MAML2: variants seen among roughly 807,000 people sequenced by gnomAD.
MAML2 encodes mastermind like transcriptional coactivator 2.
Under a neutral mutation model 96.1 loss-of-function variants are expected in MAML2, and 22 were observed. The observed-to-expected ratio is 0.23, with a 90% CI of 0.16 to 0.33. MAML2 has a LOEUF of 0.33. Ranked by LOEUF, MAML2 falls within the 10% of genes least tolerant of loss-of-function variation. MAML2 has a pLI of 1.00. For missense variants in MAML2, 1,367 were observed against 1,392.4 expected (o/e 0.98, Z 0.29); for synonymous variants, 561 against 521.3 (o/e 1.08, Z -1.04).
At chr11:96,144,028 T>A (rs1176550950) in intron 1 of MAML2, among the ~76,000 whole-genome samples, 1 of 152,162 alleles carries the variant, frequency 6.6e-6, no homozygotes, top group East Asian at 1.9e-4. Flanking sequence ...TGGTAGAGAA[T>A]GAAGGAACAG....
intron 1 of MAML2, among the ~76,000 whole-genome samples, chr11:96,124,790 G>T (rs376283284): frequency 8.5e-5 from 13 of 152,316 alleles, no homozygotes; most frequent in African/African-American, 2.9e-4. Flanking sequence ...CCACCGATCA[G>T]GAAAATACTT....
intron 1 of MAML2, among the ~76,000 whole-genome samples, chr11:96,283,632 C>T (rs1019439138): frequency 6.6e-6 from 1 of 152,158 alleles, no homozygotes; most frequent in Non-Finnish European, 1.5e-5. Context: ...AAGAGGAACA[C>T]ATTAAGTCAT....
intron 2 of MAML2, among the ~76,000 whole-genome samples, chr11:96,084,022 T>C (rs72969752): frequency 6.6e-6 from 1 of 152,126 alleles, no homozygotes; most frequent in South Asian, 2.1e-4. Context: ...TCAGAAGTGT[T>C]CCAGGCAGAA....
At chr11:96,066,274 G>C (rs1036911377) in intron 2 of MAML2, among the ~76,000 whole-genome samples, 1 of 152,180 alleles carries the variant, frequency 6.6e-6, no homozygotes, top group Non-Finnish European at 1.5e-5. Context: ...TAGTGTCATC[G>C]TGTTAAATGA....
chr11:96,247,077 A>G (rs777867084), intron 1 of MAML2, among the ~76,000 whole-genome samples: 9 of 152,084 alleles, frequency 5.9e-5, no homozygotes, highest in Non-Finnish European at 1.3e-4. Flanking sequence ...TGTCTGATTC[A>G]TTCTGTTGAC....
At chr11:95,993,423 T>C (rs1317342819) in intron 2 of MAML2, among the ~76,000 whole-genome samples, 1 of 152,012 alleles carries the variant, frequency 6.6e-6, no homozygotes, top group Non-Finnish European at 1.5e-5. Context: ...GAAAATTAGT[T>C]GGGTGTGGTG....
intron 1 of MAML2, among the ~76,000 whole-genome samples, chr11:96,286,383 C>T (rs777494324): frequency 6.6e-6 from 1 of 152,070 alleles, no homozygotes; most frequent in Non-Finnish European, 1.5e-5. Context: ...AGGTTTAATA[C>T]CTAGGTGGTG....
intron 2 of MAML2, among the ~76,000 whole-genome samples, chr11:96,056,016 T>A (rs1482602881): frequency 6.6e-6 from 1 of 152,172 alleles, no homozygotes; most frequent in Non-Finnish European, 1.5e-5. Flanking sequence ...CAGGGATCAA[T>A]GTGGCCATGA....
At chr11:96,058,190 C>G (rs1346350535) in intron 2 of MAML2, among the ~76,000 whole-genome samples, 2 of 152,246 alleles carry the variant, frequency 1.3e-5, no homozygotes, top group Non-Finnish European at 2.9e-5. Context: ...GCTGGGGATA[C>G]CATGCCTTCT....
chr11:96,050,666 A>T (rs1179820408), intron 2 of MAML2, among the ~76,000 whole-genome samples: 1 of 152,202 alleles, frequency 6.6e-6, no homozygotes, highest in Non-Finnish European at 1.5e-5. Flanking sequence ...ACTGGGAGGA[A>T]CTATAAATGA....
At chr11:96,117,125 G>A (rs991447670) in intron 1 of MAML2, among the ~76,000 whole-genome samples, 30 of 152,022 alleles carry the variant, frequency 2.0e-4, no homozygotes, top group South Asian at 4.2e-4. Flanking sequence ...GGCATCCCAA[G>A]GGAAGTGAAT....
At chr11:96,214,122 C>A (rs1481467160) in intron 1 of MAML2, among the ~76,000 whole-genome samples, 1 of 152,048 alleles carries the variant, frequency 6.6e-6, no homozygotes, top group Non-Finnish European at 1.5e-5. Context: ...GAAAGTATCT[C>A]CTATTATTGA....
chr11:96,325,878 T>C (rs1429765525), intron 1 of MAML2, among the ~76,000 whole-genome samples: 3 of 152,190 alleles, frequency 2.0e-5, no homozygotes, highest in African/African-American at 7.2e-5. Flanking sequence ...ATGTCCAGGC[T>C]TGGAGCAGCC....
chr11:96,076,877 T>C (rs1479901297), intron 2 of MAML2, among the ~76,000 whole-genome samples: 1 of 152,306 alleles, frequency 6.6e-6, no homozygotes, highest in East Asian at 1.9e-4. Flanking sequence ...ACCTGACCTT[T>C]GGGCCTTTGG....
intron 2 of MAML2, among the ~76,000 whole-genome samples, chr11:96,019,261 T>C (rs1216947344): frequency 6.6e-6 from 1 of 152,214 alleles, no homozygotes; most frequent in Non-Finnish European, 1.5e-5. Context: ...GTTCTGATTA[T>C]ATATAGTTAG....
At chr11:96,240,420 G>T (rs1862417690) in intron 1 of MAML2, among the ~76,000 whole-genome samples, 1 of 151,154 alleles carries the variant, frequency 6.6e-6, no homozygotes, top group Non-Finnish European at 1.5e-5. Flanking sequence ...CGCGGTGGCG[G>T]GCGCCTGTAG....
At chr11:96,078,494 T>A (rs1449499268) in intron 2 of MAML2, among the ~76,000 whole-genome samples, 1 of 152,240 alleles carries the variant, frequency 6.6e-6, no homozygotes, top group Non-Finnish European at 1.5e-5. Flanking sequence ...TTTCTGGAAC[T>A]CAACACTCAA....
intron 1 of MAML2, among the ~76,000 whole-genome samples, chr11:96,282,052 A>G (rs1436837718): frequency 1.3e-5 from 2 of 152,016 alleles, no homozygotes; most frequent in East Asian, 3.9e-4. Context: ...GATTGAGACT[A>G]TCCTGGCTAA....
At chr11:96,203,155 C>A (rs1861850059) in intron 1 of MAML2, among the ~76,000 whole-genome samples, 1 of 152,116 alleles carries the variant, frequency 6.6e-6, no homozygotes, top group South Asian at 2.1e-4. Flanking sequence ...TATTGAATAC[C>A]TTATAGATGC....
Sources: gnomAD v4.1 joint callset for allele counts (sites outside exome capture counted in the v4.1 genomes callset) on GRCh38, gnomAD v4.1.1 for gene constraint, MANE v1.5 for transcripts, NCBI Gene and HGNC (gene_info 2026-07-23, HGNC 2026-07-21) for gene names.